Variants in GPM6A observed in about 807,000 individuals in gnomAD.
The protein encoded by GPM6A is glycoprotein M6A.
A neutral mutation model predicts 32.1 loss-of-function variants in GPM6A; 7 were observed. That is an observed-to-expected ratio of 0.22 (90% CI 0.12 to 0.41). The LOEUF (loss-of-function observed/expected upper bound fraction) is 0.41. GPM6A is among the 10% of genes least tolerant of loss of function. The pLI, the probability that GPM6A is intolerant of heterozygous loss-of-function variation, is 1.00. For missense variants in GPM6A, 235 were observed against 347.2 expected (o/e 0.68, Z 2.57); for synonymous variants, 130 against 123.4 (o/e 1.05, Z -0.35).
intron 1 of GPM6A, among the ~76,000 whole-genome samples, chr4:175,749,724 C>T (rs549742023): frequency 6.6e-6 from 1 of 152,162 alleles, no homozygotes; most frequent in East Asian, 1.9e-4. Context: ...CGATGGATGT[C>T]ATCAAATCAC....
At chr4:175,746,151 A>G (rs1443589892) in intron 1 of GPM6A, among the ~76,000 whole-genome samples, 4 of 152,146 alleles carry the variant, frequency 2.6e-5, no homozygotes, top group African/African-American at 9.7e-5. Context: ...CATATGAACA[A>G]CAGCTTTCCC....
intron 1 of GPM6A, among the ~76,000 whole-genome samples, chr4:175,889,336 C>A (rs1034433578): frequency 2.0e-5 from 3 of 152,030 alleles, no homozygotes; most frequent in African/African-American, 7.2e-5. Flanking sequence ...CTAGACTGAG[C>A]AATATGGTGA....
At position 175,651,836 on chromosome 4, in the gene GPM6A, A is replaced by G; in HGVS notation, c.539T>C (p.Phe180Ser). 6.2e-7 allele frequency: 1 copy of G among 1,612,148 alleles called. No individual in the cohort carries two copies. Among genetic ancestry groups the G allele is most frequent in the African/African-American group, 1.3e-5 (1 of 74,926 alleles). ...GANLCLDLRQ[F>S]GIVTIGEEKK... ...TTAGAGATCCAATATCCACTTACCA[A>G]ACTGACGAAGGTCCAAGCAGAGATT... The change falls in exon 4 of 7, where the codon TTT becomes TCT. Residue 180 changes from phenylalanine (F) to serine (S), a missense_variant and splice_region_variant. Phe to Ser is a radical substitution (Grantham distance 155). Coordinates refer to ENST00000393658, the MANE Select transcript of GPM6A (RefSeq NM_201591.3).
intron 3 of GPM6A, among the ~76,000 whole-genome samples, chr4:175,659,159 T>C (rs1196069787): frequency 6.6e-6 from 1 of 151,806 alleles, no homozygotes. Flanking sequence ...CTCGGCTCAC[T>C]GCAACCTCCT....
chr4:175,776,710 T>C (rs944952029), intron 1 of GPM6A, among the ~76,000 whole-genome samples: 3 of 152,216 alleles, frequency 2.0e-5, no homozygotes, highest in African/African-American at 7.2e-5. Flanking sequence ...ATGTTATTAT[T>C]CAATTTCACA....
At chr4:175,699,525 C>T (rs1270550672) in intron 2 of GPM6A, among the ~76,000 whole-genome samples, 1 of 152,072 alleles carries the variant, frequency 6.6e-6, no homozygotes, top group Non-Finnish European at 1.5e-5. Context: ...TTCTTCATTC[C>T]CATTTGTCAT....
chr4:175,969,724 A>G (rs996657279), intron 1 of GPM6A, among the ~76,000 whole-genome samples: 3 of 152,146 alleles, frequency 2.0e-5, no homozygotes, highest in African/African-American at 7.2e-5. Context: ...AATAAGAATA[A>G]TAACAACAAC....
intron 2 of GPM6A, among the ~76,000 whole-genome samples, chr4:175,690,491 C>T (rs1254764904): frequency 1.3e-5 from 2 of 152,194 alleles, no homozygotes; most frequent in Non-Finnish European, 2.9e-5. Context: ...TTTCACTGGG[C>T]TGACATCAAG....
intron 1 of GPM6A, among the ~76,000 whole-genome samples, chr4:175,994,337 G>A (rs896255895): frequency 1.1e-4 from 17 of 152,148 alleles, no homozygotes; most frequent in African/African-American, 3.9e-4. Flanking sequence ...GGTAATATTA[G>A]GACCAGGATT....
chr4:175,697,840 A>G (rs1744665012), intron 2 of GPM6A, among the ~76,000 whole-genome samples: 1 of 152,194 alleles, frequency 6.6e-6, no homozygotes, highest in African/African-American at 2.4e-5. Context: ...ACTTCAGGCC[A>G]GCTCCCACTG....
At chr4:175,694,078 G>A (rs1744439573) in intron 2 of GPM6A, among the ~76,000 whole-genome samples, 1 of 152,104 alleles carries the variant, frequency 6.6e-6, no homozygotes, top group Non-Finnish European at 1.5e-5. Flanking sequence ...CTCCCTAGAA[G>A]CCAAGCAGAT....
chr4:175,998,318 T>TA (rs1300777327), intron 1 of GPM6A, among the ~76,000 whole-genome samples: 1 of 151,806 alleles, frequency 6.6e-6, no homozygotes, highest in African/African-American at 2.4e-5. Context: ...CACACCCGGC[T>TA]ACTGTTTGTA....
At chr4:175,711,397 A>T (rs1197498861) in intron 1 of GPM6A, among the ~76,000 whole-genome samples, 1 of 130,934 alleles carries the variant, frequency 7.6e-6, no homozygotes, top group African/African-American at 3.0e-5. Flanking sequence ...AAAAGGGCAC[A>T]CTGGCACACC....
intron 3 of GPM6A, among the ~76,000 whole-genome samples, chr4:175,652,861 C>T (rs939202713): frequency 2.6e-5 from 4 of 152,060 alleles, no homozygotes; most frequent in Admixed American, 2.0e-4. Flanking sequence ...ATCTACATTT[C>T]TATAGATATT....
Position 175,637,674 on chromosome 4 carries a change from A to T in GPM6A, c.684+2455T>A, listed in dbSNP as rs1484568744. Among the ~76,000 whole-genome samples, 3 of 5,310 alleles carry T rather than the reference A, an allele frequency of 5.6e-4. 1 individual carries two copies. The highest frequency in any genetic ancestry group is 7.8e-4 in the African/African-American group (3 of 3,838). 3.5% of individuals were successfully genotyped at this position (5,310 alleles called of 152,430 possible). A position where few individuals can be genotyped will look rare whatever the true frequency, so the allele number is the denominator to read the frequency against. ...AAAATATAAAATATATAATATATATAATATATATATAATATATAATATATT... is the reference window on the plus strand; with the variant it reads ...AAAATATAAAATATATAATATATATTATATATATATAATATATAATATATT... On this transcript the variant is annotated intron_variant, in intron 6 of 6. Transcript: ENST00000393658.
intron 2 of GPM6A, among the ~76,000 whole-genome samples, chr4:175,679,836 T>A (rs1243020883): frequency 6.6e-6 from 1 of 152,216 alleles, no homozygotes; most frequent in African/African-American, 2.4e-5. Flanking sequence ...GGTTCTTGTA[T>A]CTTTGTGACA....
chr4:175,635,993 G>A (rs1293489190), intron 6 of GPM6A, among the ~76,000 whole-genome samples: 1 of 151,974 alleles, frequency 6.6e-6, no homozygotes, highest in Admixed American at 6.6e-5. Flanking sequence ...GAAAAGTACA[G>A]ATGGATATAA....
In GPM6A at chr4:175,812,195, T is replaced by C; in HGVS notation, c.33A>G (p.Gln11=). Residue 11 remains glutamine, a synonymous_variant, in exon 1 of 7, where the codon CAA becomes CAG. Coordinates refer to ENST00000393658, the MANE Select transcript of GPM6A (RefSeq NM_201591.3). ...TAAACGCTTTTAGCACAGTACCTTT[T>C]TGTGTCTGTCCCTCTTCCATATTCT... is the stretch of plus-strand genomic sequence containing the variant. The part of the protein sequence containing the change: MEENMEEGQT[Q]KGCFECCIKC... The C allele has an allele frequency of 6.3e-7, 1 of 1,589,846 alleles. No individual in the cohort carries two copies. Among genetic ancestry groups the C allele is most frequent in the Non-Finnish European group, 8.6e-7 (1 of 1,162,062 alleles).
At chr4:175,924,499 T>A (rs1023424415) in intron 1 of GPM6A, among the ~76,000 whole-genome samples, 2 of 151,820 alleles carry the variant, frequency 1.3e-5, no homozygotes, top group African/African-American at 4.8e-5. Context: ...GTATATGAAA[T>A]ATATGAGGGA....
Sources: allele counts gnomAD v4.1 joint callset (sites outside exome capture counted in the v4.1 genomes callset), GRCh38; gene constraint gnomAD v4.1.1; transcripts MANE v1.5; gene names NCBI Gene and HGNC (gene_info 2026-07-23, HGNC 2026-07-21).